The following JAZF1 variants were observed in gnomAD, a reference collection of about 807,000 sequenced individuals.
The protein encoded by JAZF1 is juxtaposed with another zinc finger protein 1.
A neutral mutation model predicts 26.4 loss-of-function variants in JAZF1; 8 were observed. The observed-to-expected ratio is 0.30, with a 90% CI of 0.18 to 0.55. JAZF1 has a LOEUF of 0.55. Ranked by LOEUF, JAZF1 falls within the 20% of genes least tolerant of loss-of-function variation. JAZF1 has a pLI of 0.94. For synonymous variants in JAZF1, 126 were observed against 122.3 expected, an observed-to-expected ratio of 1.03 and a Z score of -0.20; for missense variants, 199 against 322.0, an observed-to-expected ratio of 0.62 and a Z score of 2.92.
chr7:27,998,020 G>A (rs1162393735), intron 1 of JAZF1, among the ~76,000 whole-genome samples: 2 of 105,328 alleles, frequency 1.9e-5, no homozygotes, highest in East Asian at 5.3e-4. Flanking sequence ...AGAGGAATGG[G>A]GGGAAGAAGG....
chr7:28,066,626 A>G (rs901971721), intron 1 of JAZF1, among the ~76,000 whole-genome samples: 5 of 150,910 alleles, frequency 3.3e-5, no homozygotes, highest in African/African-American at 9.7e-5. Flanking sequence ...AAAAAAAAAA[A>G]AGAGAAAGCA....
chr7:27,984,207 T>A (rs1233398376), intron 2 of JAZF1, among the ~76,000 whole-genome samples: 2 of 152,080 alleles, frequency 1.3e-5, no homozygotes, highest in Non-Finnish European at 2.9e-5. Context: ...AGGAGACCCA[T>A]CTCATGTGCA....
At chr7:28,030,592 A>G (rs368692815) in intron 1 of JAZF1, among the ~76,000 whole-genome samples, 1 of 152,286 alleles carries the variant, frequency 6.6e-6, no homozygotes, top group African/African-American at 2.4e-5. Context: ...GATCTTGTAA[A>G]TTTTGCTTTA....
At chr7:28,092,867 AAAAAGAAAGAAAG>A (rs1246746572) in intron 1 of JAZF1, among the ~76,000 whole-genome samples, 1 of 152,038 alleles carries the variant, frequency 6.6e-6, no homozygotes, top group East Asian at 1.9e-4. Context: ...TTTCGAAAAA[AAAAAGAAAGAAAG>A]AAAAGAAAAA....
At chr7:27,882,511 A>C (rs754925623) in intron 3 of JAZF1, among the ~76,000 whole-genome samples, 6 of 152,192 alleles carry the variant, frequency 3.9e-5, no homozygotes, top group African/African-American at 1.4e-4. Context: ...TGGTCCCAGA[A>C]AGGTTCTAGC....
intron 1 of JAZF1, among the ~76,000 whole-genome samples, chr7:28,003,450 T>C (rs1330804202): frequency 2.0e-5 from 3 of 152,174 alleles, no homozygotes; most frequent in Admixed American, 6.5e-5. Context: ...ATGAAGCAAA[T>C]TGCACATGCA....
chr7:28,079,639 A>T (rs1214899781), intron 1 of JAZF1, among the ~76,000 whole-genome samples: 1 of 152,192 alleles, frequency 6.6e-6, no homozygotes, highest in Non-Finnish European at 1.5e-5. Context: ...AAATCAATAC[A>T]TGCTTGCTGA....
chr7:28,085,191 G>C (rs1468944101), intron 1 of JAZF1, among the ~76,000 whole-genome samples: 1 of 152,168 alleles, frequency 6.6e-6, no homozygotes, highest in Non-Finnish European at 1.5e-5. Flanking sequence ...ACTAAGCTTT[G>C]CCCTAGTATT....
chr7:27,959,710 A>G (rs535375486), intron 2 of JAZF1, among the ~76,000 whole-genome samples: 8 of 152,014 alleles, frequency 5.3e-5, no homozygotes, highest in Non-Finnish European at 1.2e-4. Flanking sequence ...GACCAGCCTG[A>G]CCAACATGGC....
At chr7:28,135,039 A>G (rs1782858581) in intron 1 of JAZF1, among the ~76,000 whole-genome samples, 1 of 152,230 alleles carries the variant, frequency 6.6e-6, no homozygotes, top group South Asian at 2.1e-4. Flanking sequence ...TGTTTGCAGT[A>G]GCAATTTCCC....
At chr7:28,171,603 A>G (rs753681422) in intron 1 of JAZF1, among the ~76,000 whole-genome samples, 1 of 152,180 alleles carries the variant, frequency 6.6e-6, no homozygotes, top group African/African-American at 2.4e-5. Context: ...AGAGGGGAAG[A>G]CCCATTAAAA....
intron 1 of JAZF1, among the ~76,000 whole-genome samples, chr7:28,169,737 T>C (rs572709587): frequency 6.6e-6 from 1 of 152,196 alleles, no homozygotes; most frequent in African/African-American, 2.4e-5. Flanking sequence ...TGCTTATTTA[T>C]GCCTATTACC....
intron 2 of JAZF1, among the ~76,000 whole-genome samples, chr7:27,917,999 C>G (rs910519629): frequency 6.6e-6 from 1 of 152,068 alleles, no homozygotes; most frequent in African/African-American, 2.4e-5. Context: ...AATGCACAAG[C>G]GATGATGAAC....
At chr7:27,956,673 A>C (rs1785098304) in intron 2 of JAZF1, among the ~76,000 whole-genome samples, 1 of 152,192 alleles carries the variant, frequency 6.6e-6, no homozygotes, top group South Asian at 2.1e-4. Context: ...TCAGAGTACA[A>C]GGCCAGAAAA....
intron 1 of JAZF1, among the ~76,000 whole-genome samples, chr7:28,021,710 G>A (rs1783010890): frequency 6.6e-6 from 1 of 152,178 alleles, no homozygotes; most frequent in African/African-American, 2.4e-5. Flanking sequence ...CTCTCCCAAT[G>A]TGTCACCTGA....
intron 1 of JAZF1, among the ~76,000 whole-genome samples, chr7:28,043,139 TAA>T (rs1783422618): frequency 6.6e-6 from 1 of 152,150 alleles, no homozygotes; most frequent in East Asian, 1.9e-4. Flanking sequence ...CAGGTGAAGC[TAA>T]GTCTGTAACA....
rs138142944 is a variant in JAZF1, at chr7:28,104,076, G to A, written c.115+76387C>T. The stretch of plus-strand genomic sequence containing the variant: ...GCACACCGGGCAGGCTCCCACCTCA[G>A]GGCCCCAGTCCGAGCTGTTCCCTCT... On this transcript the variant is annotated intron_variant, in intron 1 of 4. Coordinates refer to ENST00000283928, the MANE Select transcript of JAZF1 (RefSeq NM_175061.4). Among the ~76,000 whole-genome samples the A allele has an allele frequency of 4.3e-3, 654 of 152,218 alleles. 6 individuals are homozygous for A. Among genetic ancestry groups the A allele is most frequent in the African/African-American group, 0.014 (578 of 41,532 alleles).
chr7:28,102,573 A>G (rs532318914), intron 1 of JAZF1, among the ~76,000 whole-genome samples: 1 of 128,292 alleles, frequency 7.8e-6, no homozygotes, highest in South Asian at 2.8e-4. Flanking sequence ...AGGGGTATAT[A>G]ATATTTAGCA....
intron 1 of JAZF1, among the ~76,000 whole-genome samples, chr7:28,085,472 C>T (rs1293481638): frequency 1.3e-5 from 2 of 152,196 alleles, no homozygotes. Flanking sequence ...CTTAGGTCTT[C>T]ATAAACCTAC....
Sources: gnomAD v4.1 joint callset for allele counts (sites outside exome capture counted in the v4.1 genomes callset) on GRCh38, gnomAD v4.1.1 for gene constraint, MANE v1.5 for transcripts, NCBI Gene and HGNC (gene_info 2026-07-23, HGNC 2026-07-21) for gene names.